The following ME2 variants were observed in gnomAD, a reference collection of about 807,000 sequenced individuals.
ME2 encodes NAD-dependent malic enzyme, mitochondrial.
Under a neutral mutation model 73.7 loss-of-function variants are expected in ME2, and 60 were observed. The observed-to-expected ratio is 0.81, with a 90% CI of 0.66 to 1.01. The LOEUF is 1.01. ME2 is among the 50% of genes least tolerant of loss of function. ME2 has a pLI of 0.00. For synonymous variants in ME2, 199 were observed against 236.9 expected, an observed-to-expected ratio of 0.84 and a Z score of 1.47; for missense variants, 594 against 705.5, an observed-to-expected ratio of 0.84 and a Z score of 1.79.
intron 15 of ME2, among the ~76,000 whole-genome samples, chr18:50,944,036 G>A (rs1162146079): frequency 6.6e-6 from 1 of 151,920 alleles, no homozygotes; most frequent in Admixed American, 6.6e-5. Flanking sequence ...GGACAACAAA[G>A]CAAGATCTCA....
intron 1 of ME2, among the ~76,000 whole-genome samples, chr18:50,888,516 G>A (rs898405484): frequency 2.6e-5 from 4 of 152,018 alleles, no homozygotes; most frequent in African/African-American, 2.4e-5. Context: ...CCTGGACTAC[G>A]ACTGGTAAGC....
chr18:50,943,163 G>T (rs1303468065), intron 15 of ME2, among the ~76,000 whole-genome samples: 1 of 151,916 alleles, frequency 6.6e-6, no homozygotes, highest in Non-Finnish European at 1.5e-5. Flanking sequence ...CTTTTTAAAA[G>T]AAGTAGTCTT....
chr18:50,919,082 A>G lies in ME2; in HGVS notation c.734+869A>G, dbSNP rs572357539. ...TCAGTCAGATTTCAGATATTCCTCA[A>G]ATTCAGTGGGTACTACCACTTAAAT... On this transcript the variant is annotated intron_variant, in intron 7 of 15. Coordinates refer to ENST00000321341, the MANE Select transcript of ME2 (RefSeq NM_002396.5). 3.8e-5 allele frequency among the ~76,000 whole-genome samples: 5 copies of G among 131,648 alleles called. No homozygotes were observed. The South Asian group carries it at 7.7e-4, about 20-fold the overall frequency. 86.4% of individuals were successfully genotyped at this position (131,648 alleles called of 152,430 possible).
chr18:50,938,250 T>G (rs1036825630), intron 13 of ME2, among the ~76,000 whole-genome samples: 2 of 152,016 alleles, frequency 1.3e-5, no homozygotes, highest in African/African-American at 4.8e-5. Context: ...ATCGCTTGAG[T>G]CCAGGGAGGT....
At chr18:50,912,700 G>T in intron 3 of ME2, 101 bp from the exon 4 acceptor site, 1 of 984,200 alleles carries the variant, frequency 1.0e-6, no homozygotes, top group Non-Finnish European at 1.4e-6. Context: ...TGAGAATGGG[G>T]CTCAATTTCA....
rs1439070340 is a variant in ME2, at chr18:50,927,713, C to A, written c.1314+1815C>A. On this transcript the variant is annotated intron_variant, in intron 12 of 15. Transcript: ENST00000321341. ...CAAGACTCCATCTCAAAAAAAACCCCAAAAAACCATATATATATATATATA... is the reference window on the plus strand; with the variant it reads ...CAAGACTCCATCTCAAAAAAAACCCAAAAAAACCATATATATATATATATA... Among the ~76,000 whole-genome samples the A allele has an allele frequency of 1.6e-4, 11 of 67,490 alleles. No homozygotes were observed. In the East Asian group the frequency reaches 2.7e-3, roughly 17 times the overall value. The allele number at this position is 67,490 out of a possible 152,430, so 44.3% of individuals were successfully genotyped here.
In ME2 at chr18:50,921,113, G is replaced by T. The variant is rs199523359; in HGVS notation, c.982G>T (p.Val328Leu). Residue 328 changes from valine to leucine, a missense_variant, in exon 10 of 16, where the codon GTA becomes TTA. Physicochemically the swap from Val to Leu is conservative, Grantham distance 32 (BLOSUM62 1). Coordinates refer to ENST00000321341, the MANE Select transcript of ME2 (RefSeq NM_002396.5). Reference protein sequence around the residue: ...GIANLIVMSMVENGLSEQEAQ... With the variant: ...GIANLIVMSMLENGLSEQEAQ... ...TGCAAATCTTATAGTTATGTCTATG[G>T]TAGAAAATGGCCTGTCAGAACAAGA... 10 of 1,600,730 alleles carry T rather than the reference G, an allele frequency of 6.2e-6. No individual in the cohort carries two copies. In the East Asian group the frequency reaches 2.0e-4, roughly 33 times the overall value.
At chr18:50,927,763 T>C in intron 12 of ME2, among the ~76,000 whole-genome samples, 1 of 110,368 alleles carries the variant, frequency 9.1e-6, no homozygotes, top group South Asian at 3.3e-4. Flanking sequence ...CACACCACAG[T>C]ACTGTTATAC....
At chr18:50,923,069 T>C (rs1255096055) in intron 10 of ME2, among the ~76,000 whole-genome samples, 1 of 152,206 alleles carries the variant, frequency 6.6e-6, no homozygotes, top group Non-Finnish European at 1.5e-5. Context: ...TCTGGCTTTG[T>C]GGCATTACTA....
chr18:50,917,599 G>A lies in ME2; in HGVS notation c.630+91G>A, dbSNP rs551214384. ...TTTTTGAAAATGATAATTTAAGAAG[G>A]GAAAGTTTTATGATTAGATTTTTTT... On this transcript the variant is annotated intron_variant, in intron 6 of 15. Coordinates refer to ENST00000321341, the MANE Select transcript of ME2 (RefSeq NM_002396.5). 8.5e-5 allele frequency: 81 copies of A among 948,084 alleles called. 1 individual carries two copies. In the African/African-American group the frequency reaches 1.1e-3, roughly 13 times the overall value. 58.7% of individuals were successfully genotyped at this position (948,084 alleles called of 1,614,324 possible).
At chr18:50,919,540 A>G (rs947232462) in intron 7 of ME2, among the ~76,000 whole-genome samples, 2 of 151,786 alleles carry the variant, frequency 1.3e-5, no homozygotes, top group South Asian at 2.1e-4. Context: ...CTTCTTCCTC[A>G]TTTCCCAGTT....
In ME2 at chr18:50,950,467, C is replaced by CTTTTTTTTTCTTTTTTTTTTTTTTTTTT. The variant is rs1555679814; in HGVS notation, c.*3292_*3293insCTTTTTTTTTTTTTTTTTTTTTTTTTTT. On this transcript the variant is annotated 3_prime_UTR_variant, in exon 16 of 16. Transcript: ENST00000321341. ...GCCTGGGGTGGGGCCTCAGATTCTGCTTTTTTTTTTTTTTTTTTTTTTTTT... is the reference window on the plus strand; with the variant it reads ...GCCTGGGGTGGGGCCTCAGATTCTGCTTTTTTTTTCTTTTTTTTTTTTTTTTTTTTTTTTTTTTTTTTTTTTTTTTTTT... 1 of 45,074 alleles carries CTTTTTTTTTCTTTTTTTTTTTTTTTTTT rather than the reference C, an allele frequency of 2.2e-5. No homozygotes were observed. The highest frequency in any genetic ancestry group is 8.9e-5 in the African/African-American group (1 of 11,286). 2.8% of individuals were successfully genotyped at this position (45,074 alleles called of 1,614,324 possible).
At position 50,924,090 on chromosome 18, in the gene ME2, A is replaced by G. The variant is rs1426863126; in HGVS notation, c.1057-8A>G. 1.3e-6 allele frequency: 2 copies of G among 1,587,296 alleles called. No individual in the cohort carries two copies. Among genetic ancestry groups the G allele is most frequent in the Admixed American group, 3.4e-5 (2 of 58,628 alleles). The stretch of plus-strand genomic sequence containing the variant: ...TAAAAAAATACTGTATTTTATCTCA[A>G]AATTTAGGGACGGAAAGCAAAAATA... On this transcript the variant is annotated splice_polypyrimidine_tract_variant and splice_region_variant and intron_variant, in intron 10 of 15. Transcript: ENST00000321341.
At chr18:50,938,715 G>C (rs1917871914) in intron 13 of ME2, among the ~76,000 whole-genome samples, 1 of 152,154 alleles carries the variant, frequency 6.6e-6, no homozygotes, top group African/African-American at 2.4e-5. Context: ...TGATAAAGGG[G>C]TTTTCTAGGA....
At chr18:50,929,029 T>C (rs1290673912) in intron 12 of ME2, among the ~76,000 whole-genome samples, 1 of 152,134 alleles carries the variant, frequency 6.6e-6, no homozygotes, top group Non-Finnish European at 1.5e-5. Context: ...TTTTTAAAAA[T>C]GTATTTTATC....
At chr18:50,916,871 T>C (rs541270837) in intron 5 of ME2, 1 of 152,576 alleles carries the variant, frequency 6.6e-6, no homozygotes, top group South Asian at 2.1e-4. Flanking sequence ...ATAATTAAAC[T>C]CACAGTATCA....
Position 50,918,113 on chromosome 18 carries a change from C to A in ME2, c.634C>A (p.Leu212Ile). 6.3e-7 allele frequency: 1 copy of A among 1,577,952 alleles called. No individual in the cohort carries two copies. Among genetic ancestry groups the A allele is most frequent in the Non-Finnish European group, 8.6e-7 (1 of 1,158,512 alleles). ...CIDVGTDNIALLKDPFYMGLY... is the reference protein window; with the variant it reads ...CIDVGTDNIAILKDPFYMGLY... Reference sequence around the variant, plus strand: ...TTACATTTGGTTTATTTTGTAGGCACTCTTAAAAGACCCATTTTACATGGG... The same window carrying A: ...TTACATTTGGTTTATTTTGTAGGCAATCTTAAAAGACCCATTTTACATGGG... Residue 212 changes from leucine (L) to isoleucine (I), a missense_variant, in exon 7 of 16, where the codon CTC becomes ATC. Physicochemically the swap from Leu to Ile is conservative, Grantham distance 5. Coordinates refer to ENST00000321341, the MANE Select transcript of ME2 (RefSeq NM_002396.5).
intron 3 of ME2, 121 bp from the exon 4 acceptor site, chr18:50,912,680 G>T: frequency 1.2e-6 from 1 of 838,326 alleles, no homozygotes. Context: ...GTTTTTTTTA[G>T]AATGTGATGT....
At chr18:50,898,606 A>AT (rs1916811018) in intron 2 of ME2, among the ~76,000 whole-genome samples, 1 of 151,680 alleles carries the variant, frequency 6.6e-6, no homozygotes, top group South Asian at 2.1e-4. Context: ...TACTTTTTGT[A>AT]TTTTTTTGTA....
Sources: allele counts gnomAD v4.1 joint callset (sites outside exome capture counted in the v4.1 genomes callset), GRCh38; gene constraint gnomAD v4.1.1; transcripts MANE v1.5; gene names NCBI Gene and HGNC (gene_info 2026-07-23, HGNC 2026-07-21).